The following AGBL4 variants were observed in gnomAD, a reference collection of about 807,000 sequenced individuals.
AGBL4 encodes cytosolic carboxypeptidase 6.
Under a neutral mutation model 66.4 loss-of-function variants are expected in AGBL4, and 58 were observed. The observed-to-expected ratio is 0.87, with a 90% CI of 0.71 to 1.09. AGBL4 has a LOEUF of 1.09. AGBL4 is among the 50% of genes least tolerant of loss of function. The pLI, the probability that AGBL4 is intolerant of heterozygous loss-of-function variation, is 0.00. For missense variants in AGBL4, 579 were observed against 631.0 expected, an observed-to-expected ratio of 0.92 and a Z score of 0.88; for synonymous variants, 234 against 222.9, an observed-to-expected ratio of 1.05 and a Z score of -0.44.
chr1:49,032,401 T>C (rs1664305762), intron 5 of AGBL4, among the ~76,000 whole-genome samples: 1 of 151,760 alleles, frequency 6.6e-6, no homozygotes, highest in Non-Finnish European at 1.5e-5. Flanking sequence ...TGACAAGGAG[T>C]GGCAGGGGGT....
chr1:48,909,377 G>A (rs1007315823), intron 5 of AGBL4, among the ~76,000 whole-genome samples: 7 of 152,122 alleles, frequency 4.6e-5, no homozygotes, highest in African/African-American at 1.7e-4. Flanking sequence ...CCTCCCATCT[G>A]TACCTCCATA....
intron 4 of AGBL4, among the ~76,000 whole-genome samples, chr1:49,068,223 T>C (rs1198994097): frequency 6.6e-6 from 1 of 152,042 alleles, no homozygotes; most frequent in Admixed American, 6.5e-5. Context: ...TTTAGAAATA[T>C]AACCCTTTTT....
At chr1:49,705,450 G>T (rs900466202) in intron 2 of AGBL4, among the ~76,000 whole-genome samples, 3 of 150,938 alleles carry the variant, frequency 2.0e-5, no homozygotes, top group African/African-American at 7.3e-5. Flanking sequence ...CCAGATGAGG[G>T]GATTTTCTAA....
chr1:48,814,501 T>C (rs899735688), intron 6 of AGBL4, among the ~76,000 whole-genome samples: 2 of 152,144 alleles, frequency 1.3e-5, no homozygotes, highest in Non-Finnish European at 2.9e-5. Flanking sequence ...ATAACTATTA[T>C]TGTTAACTAT....
intron 5 of AGBL4, among the ~76,000 whole-genome samples, chr1:49,024,834 G>A (rs1041396234): frequency 1.3e-5 from 2 of 152,086 alleles, no homozygotes; most frequent in African/African-American, 4.8e-5. Context: ...TGTCATCACA[G>A]AAACCCTTAA....
intron 1 of AGBL4, among the ~76,000 whole-genome samples, chr1:49,902,815 C>T (rs1431332031): frequency 1.3e-5 from 2 of 152,066 alleles, no homozygotes; most frequent in Non-Finnish European, 2.9e-5. Context: ...CATCTCACAC[C>T]AGTCAGAATG....
At chr1:49,967,202 C>T (rs2148354565) in intron 1 of AGBL4, among the ~76,000 whole-genome samples, 1 of 152,284 alleles carries the variant, frequency 6.6e-6, no homozygotes, top group Admixed American at 6.5e-5. Flanking sequence ...ACCATTCTAA[C>T]TGGTGTGAGA....
At chr1:49,510,905 G>A (rs1327645799) in intron 3 of AGBL4, among the ~76,000 whole-genome samples, 101 of 148,896 alleles carry the variant, frequency 6.8e-4, no homozygotes, top group African/African-American at 2.1e-3. Flanking sequence ...GATATGCGGC[G>A]TTATTTCTGA....
At chr1:49,249,713 C>T (rs993406796) in intron 3 of AGBL4, among the ~76,000 whole-genome samples, 1 of 152,138 alleles carries the variant, frequency 6.6e-6, no homozygotes, top group African/African-American at 2.4e-5. Context: ...GCAATCTCAT[C>T]ACTGGGCATT....
intron 3 of AGBL4, among the ~76,000 whole-genome samples, chr1:49,656,116 C>T (rs931469131): frequency 6.6e-6 from 1 of 150,744 alleles, no homozygotes; most frequent in African/African-American, 2.4e-5. Context: ...CACTGCACTC[C>T]AGCCTGGGCG....
chr1:48,782,204 C>A (rs1645312602), intron 6 of AGBL4, among the ~76,000 whole-genome samples: 1 of 152,242 alleles, frequency 6.6e-6, no homozygotes, highest in Admixed American at 6.5e-5. Context: ...CCTCCCCCGA[C>A]TCTCTTTTTC....
rs78743135 is a variant in AGBL4 at position 49,196,615 on chromosome 1, G to A, written c.377+49155C>T. ...GTATTACATTGATTTCTTCATAACT[G>A]AAGAAATCATAACTATTTCTTCTTA... On this transcript the variant is annotated intron_variant, in intron 4 of 13. Coordinates refer to ENST00000371839, the MANE Select transcript of AGBL4 (RefSeq NM_032785.4). 2.0e-3 allele frequency among the ~76,000 whole-genome samples: 304 copies of A among 152,018 alleles called. 8 individuals are homozygous for A. In the East Asian group the frequency reaches 0.054, roughly 27 times the overall value.
chr1:49,962,375 G>A (rs777025825), intron 1 of AGBL4, among the ~76,000 whole-genome samples: 24 of 152,110 alleles, frequency 1.6e-4, no homozygotes, highest in Admixed American at 5.2e-4. Context: ...TCCAGTAACA[G>A]CAGCTTACAT....
intron 3 of AGBL4, among the ~76,000 whole-genome samples, chr1:49,536,652 T>A (rs1651609339): frequency 6.6e-6 from 1 of 152,128 alleles, no homozygotes; most frequent in Non-Finnish European, 1.5e-5. Flanking sequence ...AACTTCAAAT[T>A]ATATTACAAG....
rs959588416 is a variant in AGBL4, at chr1:48,843,390, G to A, written c.634+23801C>T. 2.0e-5 allele frequency among the ~76,000 whole-genome samples: 3 copies of A among 152,080 alleles called. No homozygotes were observed. The South Asian group carries it at 6.2e-4, about 32-fold the overall frequency. ...TATAAAATATTTTGTTAAAATGGAGGTTTTAAAATTAAGTTCAAAAGATCT... is the reference window on the plus strand; with the variant it reads ...TATAAAATATTTTGTTAAAATGGAGATTTTAAAATTAAGTTCAAAAGATCT... On this transcript the variant is annotated intron_variant, in intron 6 of 13. Transcript: ENST00000371839.
rs11811675 is a variant in AGBL4 at position 49,829,938 on chromosome 1, G to A, written c.157+21458C>T. ...CAGCTTCATCCATGTCCCTGCAAAG[G>A]ACATGAATTCACCATTTTTTATGTC... On this transcript the variant is annotated intron_variant, in intron 2 of 13. Coordinates refer to ENST00000371839, the MANE Select transcript of AGBL4 (RefSeq NM_032785.4). Among the ~76,000 whole-genome samples, 1,313 of 152,148 alleles carry A rather than the reference G, an allele frequency of 8.6e-3. 20 individuals are homozygous for A. The highest frequency in any genetic ancestry group is 0.03 in the African/African-American group (1,234 of 41,496).
intron 1 of AGBL4, among the ~76,000 whole-genome samples, chr1:49,956,594 T>C (rs1445341162): frequency 6.6e-6 from 1 of 151,936 alleles, no homozygotes; most frequent in African/African-American, 2.4e-5. Flanking sequence ...AAACTTTGTT[T>C]TGCAAATTAT....
intron 2 of AGBL4, among the ~76,000 whole-genome samples, chr1:49,702,695 T>G (rs1022412668): frequency 1.3e-5 from 2 of 151,902 alleles, no homozygotes; most frequent in African/African-American, 4.8e-5. Flanking sequence ...TCAAAAATCT[T>G]CAAAGAAATA....
intron 3 of AGBL4, among the ~76,000 whole-genome samples, chr1:49,430,482 G>A (rs1206441139): frequency 3.3e-5 from 5 of 152,048 alleles, no homozygotes; most frequent in Non-Finnish European, 1.5e-5. Context: ...CCTAGTATGG[G>A]CCTGGTACAG....
Sources: gnomAD v4.1 joint callset for allele counts (sites outside exome capture counted in the v4.1 genomes callset) on GRCh38, gnomAD v4.1.1 for gene constraint, MANE v1.5 for transcripts, NCBI Gene and HGNC (gene_info 2026-07-23, HGNC 2026-07-21) for gene names.